Variants in SPTLC1 observed in about 807,000 individuals in gnomAD.
SPTLC1 encodes the protein serine palmitoyltransferase 1.
In SPTLC1, 55 loss-of-function variants were observed where a neutral mutation model predicts 68.9. The ratio of observed to expected loss-of-function variants is 0.80; its 90% CI spans 0.64 to 1.00. SPTLC1 has a LOEUF of 1.00. Ranked by LOEUF, SPTLC1 falls within the 50% of genes least tolerant of loss-of-function variation. SPTLC1 has a pLI of 0.00. For missense variants in SPTLC1, 449 were observed against 573.1 expected (o/e 0.78, Z 2.21); for synonymous variants, 197 against 201.6 (o/e 0.98, Z 0.19).
chr9:92,058,586 C>G (rs778999837), intron 7 of SPTLC1, among the ~76,000 whole-genome samples: 3 of 152,156 alleles, frequency 2.0e-5, no homozygotes, highest in African/African-American at 7.2e-5. Flanking sequence ...TCCAAACCAC[C>G]ATCACCTGGG....
intron 8 of SPTLC1, among the ~76,000 whole-genome samples, chr9:92,054,405 A>G (rs1387151030): frequency 2.6e-5 from 4 of 152,242 alleles, no homozygotes; most frequent in Admixed American, 6.5e-5. Context: ...TGGGGCCAAC[A>G]TGGGTACTCA....
At chr9:92,092,743 C>T (rs572156177) in intron 3 of SPTLC1, among the ~76,000 whole-genome samples, 8 of 151,914 alleles carry the variant, frequency 5.3e-5, no homozygotes, top group South Asian at 2.1e-4. Flanking sequence ...TCCCTCCCCC[C>T]AAAAAAAGTA....
chr9:92,108,921 C>A lies in SPTLC1; in HGVS notation c.166-87G>T, dbSNP rs1836114819. On this transcript the variant is annotated intron_variant, in intron 2 of 14. Transcript: ENST00000262554. ...TGCAACTTCAGTATTTCTTATTATT[C>A]TAATTCTACTAACTATTCTCAAGTT... The A allele has an allele frequency of 2.5e-6, 4 of 1,571,616 alleles. No homozygotes were observed. In the East Asian group the frequency reaches 9.2e-5, roughly 36 times the overall value.
chr9:92,088,242 C>T (rs989578243), intron 3 of SPTLC1, among the ~76,000 whole-genome samples: 3 of 152,268 alleles, frequency 2.0e-5, no homozygotes, highest in African/African-American at 4.8e-5. Flanking sequence ...GCACATGGTG[C>T]GCTGCACCCA....
At chr9:92,088,685 C>T (rs7868243) in intron 3 of SPTLC1, among the ~76,000 whole-genome samples, 206 of 152,312 alleles carry the variant, frequency 1.4e-3, no homozygotes, top group African/African-American at 4.7e-3. Flanking sequence ...ATCCAAAACA[C>T]TTAACCACAG....
At chr9:92,041,722 T>C (rs578249844) in intron 12 of SPTLC1, among the ~76,000 whole-genome samples, 7 of 152,266 alleles carry the variant, frequency 4.6e-5, no homozygotes, top group Non-Finnish European at 1.0e-4. Context: ...AAAAGTCAAA[T>C]TAAAATATTA....
Position 92,050,072 on chromosome 9 carries a change from G to A in SPTLC1, c.781-5C>T, listed in dbSNP as rs377724422. 5.1e-6 allele frequency: 8 copies of A among 1,566,424 alleles called. No individual in the cohort carries two copies. The African/African-American group carries it at 1.1e-4, about 21-fold the overall frequency. On this transcript the variant is annotated splice_region_variant and splice_polypyrimidine_tract_variant and intron_variant, in intron 8 of 14. Transcript: ENST00000262554. The stretch of plus-strand genomic sequence containing the variant: ...GTATTTGTATTTTAACTTAACCTAA[G>A]TGTTATATAAACGTTAAAATACTAA...
intron 3 of SPTLC1, among the ~76,000 whole-genome samples, chr9:92,087,215 G>C (rs1221674232): frequency 6.6e-6 from 1 of 152,186 alleles, no homozygotes; most frequent in African/African-American, 2.4e-5. Context: ...AGAGTAGTTT[G>C]ATCGTCTGAA....
intron 3 of SPTLC1, chr9:92,107,882 A>G (rs1836064413): frequency 6.6e-6 from 1 of 152,260 alleles, no homozygotes; most frequent in African/African-American, 2.4e-5. Flanking sequence ...ACTCAGGAAA[A>G]TATCTTGTAT....
intron 3 of SPTLC1, among the ~76,000 whole-genome samples, chr9:92,093,099 T>C (rs1397689148): frequency 6.6e-6 from 1 of 152,120 alleles, no homozygotes; most frequent in Non-Finnish European, 1.5e-5. Context: ...AATTAAGTGT[T>C]CAACTAAGTT....
chr9:92,108,970 A>G (rs1164350712), intron 2 of SPTLC1, 136 bp from the exon 3 acceptor site: 10 of 1,337,016 alleles, frequency 7.5e-6, no homozygotes, highest in Non-Finnish European at 9.3e-6. Flanking sequence ...ATTCAAGCTT[A>G]TGTCTTCACA....
At position 92,059,217 on chromosome 9, in the gene SPTLC1, C is replaced by T. The variant is rs371402481; in HGVS notation, c.652G>A (p.Glu218Lys). The T allele has an allele frequency of 1.9e-6, 3 of 1,613,922 alleles. No individual in the cohort carries two copies. The highest frequency in any genetic ancestry group is 2.7e-5 in the African/African-American group (2 of 75,026). ...LFKHNDMADL[E>K]RLLKEQEIED... is the part of the protein sequence containing the mutation. ...ATCTCTTGTTCTTTTAGTAGTCGCT[C>T]GAGGTCAGCCATGTCATTATGCTTA... is the stretch of plus-strand genomic sequence containing the variant. Residue 218 changes from glutamate (E) to lysine (K), a missense_variant, in exon 7 of 15, where the codon GAG becomes AAG. By Grantham distance (56) the Glu-to-Lys change is moderately conservative. This residue lies in a region of SPTLC1 where 391 missense variants were observed against 472.1 expected (regional missense o/e 0.83). Coordinates refer to ENST00000262554, the MANE Select transcript of SPTLC1 (RefSeq NM_006415.4).
chr9:92,059,087 G>C (rs1258064786), intron 7 of SPTLC1, 92 bp downstream of exon 7: 40 of 1,468,400 alleles, frequency 2.7e-5, no homozygotes, highest in African/African-American at 4.2e-5. Flanking sequence ...TGATCCACAG[G>C]CAAGTTTTCA....
chr9:92,091,751 AACT>A (rs2118745623), intron 3 of SPTLC1, among the ~76,000 whole-genome samples: 1 of 152,340 alleles, frequency 6.6e-6, no homozygotes, highest in East Asian at 1.9e-4. Context: ...AAACAGATTA[AACT>A]CCTCAGTTAA....
chr9:92,105,667 C>T (rs1267056062), intron 3 of SPTLC1, among the ~76,000 whole-genome samples: 12 of 149,372 alleles, frequency 8.0e-5, no homozygotes, highest in African/African-American at 2.0e-4. Flanking sequence ...CAGTGAGGAG[C>T]GCCTCTGCCA....
chr9:92,040,474 A>G (rs1033026636), intron 12 of SPTLC1, among the ~76,000 whole-genome samples: 15 of 152,002 alleles, frequency 9.9e-5, no homozygotes, highest in Non-Finnish European at 2.1e-4. Flanking sequence ...TTTCCTCAAG[A>G]AATACAAGGC....
intron 12 of SPTLC1, among the ~76,000 whole-genome samples, chr9:92,045,017 T>C (rs1833460812): frequency 6.6e-6 from 1 of 152,200 alleles, no homozygotes; most frequent in African/African-American, 2.4e-5. Context: ...TGTTGGCATA[T>C]TAATATTTCA....
intron 3 of SPTLC1, among the ~76,000 whole-genome samples, chr9:92,091,619 A>G (rs910217921): frequency 6.6e-6 from 1 of 152,230 alleles, no homozygotes; most frequent in African/African-American, 2.4e-5. Flanking sequence ...ATCCCTTTAA[A>G]TTTACATATC....
intron 6 of SPTLC1, among the ~76,000 whole-genome samples, chr9:92,066,326 A>G (rs1169302024): frequency 6.6e-6 from 1 of 152,186 alleles, no homozygotes; most frequent in African/African-American, 2.4e-5. Context: ...ATAAACAAGA[A>G]CAATAAATTC....
Sources: allele counts gnomAD v4.1 joint callset (sites outside exome capture counted in the v4.1 genomes callset), GRCh38; gene constraint gnomAD v4.1.1; regional missense constraint gnomAD v4.1.1; transcripts MANE v1.5; gene names NCBI Gene and HGNC (gene_info 2026-07-23, HGNC 2026-07-21).